Variants in KCNN2 observed in about 807,000 individuals in gnomAD.
KCNN2 encodes the protein small conductance calcium-activated potassium channel protein 2.
Under a neutral mutation model 55.5 loss-of-function variants are expected in KCNN2, and 24 were observed. The ratio of observed to expected loss-of-function variants is 0.43; its 90% CI spans 0.31 to 0.61. The LOEUF (loss-of-function observed/expected upper bound fraction) is 0.61, where lower values mean the gene tolerates loss of function less well. Ranked by LOEUF, KCNN2 falls within the 20% of genes least tolerant of loss-of-function variation. The pLI is 0.08. For synonymous variants in KCNN2, 431 were observed against 336.1 expected, an observed-to-expected ratio of 1.28 and a Z score of -3.09; for missense variants, 754 against 853.6, an observed-to-expected ratio of 0.88 and a Z score of 1.45.
intron 2 of KCNN2, among the ~76,000 whole-genome samples, chr5:114,397,690 A>T (rs563803613): frequency 2.6e-5 from 4 of 152,124 alleles, no homozygotes; most frequent in African/African-American, 4.8e-5. Context: ...GCCTGGCCAC[A>T]TCTATTATTT....
At chr5:114,413,892 A>G (rs145812943) in intron 3 of KCNN2, among the ~76,000 whole-genome samples, 6 of 152,338 alleles carry the variant, frequency 3.9e-5, no homozygotes, top group African/African-American at 1.2e-4. Flanking sequence ...TATATACATC[A>G]GCAGCATGCA....
intron 1 of KCNN2, among the ~76,000 whole-genome samples, chr5:114,197,125 T>C (rs2112568457): frequency 6.6e-6 from 1 of 152,286 alleles, no homozygotes; most frequent in Admixed American, 6.5e-5. Context: ...TATTTTCAGG[T>C]ATTTGTCTAT....
chr5:114,292,334 G>T (rs1330201839), intron 2 of KCNN2, among the ~76,000 whole-genome samples: 2 of 152,108 alleles, frequency 1.3e-5, no homozygotes, highest in East Asian at 1.9e-4. Context: ...GGTCTAGCAT[G>T]TAAGTCTTTA....
chr5:114,181,819 C>A (rs1753246599), intron 1 of KCNN2, among the ~76,000 whole-genome samples: 1 of 152,006 alleles, frequency 6.6e-6, no homozygotes, highest in Admixed American at 6.6e-5. Flanking sequence ...GAGTTCGAGA[C>A]CAGCCTGGCC....
intron 2 of KCNN2, among the ~76,000 whole-genome samples, chr5:114,365,363 A>G (rs1006170930): frequency 1.1e-4 from 17 of 152,344 alleles, no homozygotes; most frequent in African/African-American, 3.8e-4. Context: ...CTTTAATTCA[A>G]TACTAGTGAT....
chr5:114,342,948 C>T (rs567868394), intron 2 of KCNN2, among the ~76,000 whole-genome samples: 32 of 152,268 alleles, frequency 2.1e-4, no homozygotes, highest in African/African-American at 7.0e-4. Flanking sequence ...CAGATCACCC[C>T]GTCAGCCAGG....
chr5:114,093,064 G>A (rs752130041), intron 1 of KCNN2, among the ~76,000 whole-genome samples: 1 of 152,110 alleles, frequency 6.6e-6, no homozygotes, highest in African/African-American at 2.4e-5. Flanking sequence ...CACATTGTCA[G>A]GATGCAGATT....
At chr5:114,245,813 C>G (rs1028241060) in intron 2 of KCNN2, among the ~76,000 whole-genome samples, 9 of 152,176 alleles carry the variant, frequency 5.9e-5, no homozygotes, top group Non-Finnish European at 1.2e-4. Context: ...AGTTGGAGAA[C>G]AGTCAGGAAC....
intron 1 of KCNN2, among the ~76,000 whole-genome samples, chr5:114,111,783 A>G (rs1037952685): frequency 2.6e-5 from 4 of 152,230 alleles, no homozygotes; most frequent in African/African-American, 9.6e-5. Context: ...ATGAGATACC[A>G]TCTCATGCCA....
intron 1 of KCNN2, among the ~76,000 whole-genome samples, chr5:114,078,546 T>C (rs573322561): frequency 1.8e-4 from 27 of 152,232 alleles, no homozygotes; most frequent in African/African-American, 6.5e-4. Flanking sequence ...GCACCAGAAG[T>C]GGAACCTTCT....
intron 2 of KCNN2, among the ~76,000 whole-genome samples, chr5:114,252,887 T>A (rs900341333): frequency 5.9e-5 from 9 of 152,148 alleles, no homozygotes; most frequent in South Asian, 2.1e-4. Flanking sequence ...GTCAATGCTG[T>A]CATTTTTGCT....
chr5:114,331,091 C>A (rs2150033081), intron 2 of KCNN2, among the ~76,000 whole-genome samples: 1 of 152,300 alleles, frequency 6.6e-6, no homozygotes, highest in East Asian at 1.9e-4. Context: ...AAGAGGAAGT[C>A]TGACAGCTCT....
At chr5:114,272,914 C>T (rs935988882) in intron 2 of KCNN2, among the ~76,000 whole-genome samples, 1 of 152,048 alleles carries the variant, frequency 6.6e-6, no homozygotes, top group African/African-American at 2.4e-5. Flanking sequence ...TTCTGTGTTA[C>T]ATGTACAGAA....
chr5:114,422,864 A>G (rs915631347), intron 3 of KCNN2, among the ~76,000 whole-genome samples: 2 of 152,184 alleles, frequency 1.3e-5, no homozygotes, highest in African/African-American at 4.8e-5. Context: ...TGGTTGTCCT[A>G]TTGCCAGACA....
intron 3 of KCNN2, among the ~76,000 whole-genome samples, chr5:114,460,358 T>A (rs1259755613): frequency 6.6e-6 from 1 of 152,108 alleles, no homozygotes; most frequent in Non-Finnish European, 1.5e-5. Context: ...TTCCCCTCCC[T>A]CAGCCTCCCA....
At chr5:114,440,892 G>T (rs1760181346) in intron 3 of KCNN2, among the ~76,000 whole-genome samples, 1 of 145,746 alleles carries the variant, frequency 6.9e-6, no homozygotes, top group African/African-American at 2.5e-5. Context: ...ACAGATGTTA[G>T]TGATCACAAT....
At chr5:114,272,266 G>C (rs968921780) in intron 2 of KCNN2, among the ~76,000 whole-genome samples, 1 of 151,582 alleles carries the variant, frequency 6.6e-6, no homozygotes. Flanking sequence ...ACACATATAT[G>C]TATGTACATA....
At chr5:114,142,947 G>T (rs559013540) in intron 1 of KCNN2, among the ~76,000 whole-genome samples, 1 of 152,234 alleles carries the variant, frequency 6.6e-6, no homozygotes, top group Non-Finnish European at 1.5e-5. Context: ...GAGGCATCAC[G>T]CTACCTGTAT....
intron 1 of KCNN2, among the ~76,000 whole-genome samples, chr5:114,193,707 G>A (rs1753495279): frequency 6.6e-6 from 1 of 152,130 alleles, no homozygotes. Context: ...CCTAAATGTT[G>A]AAAACCTAAT....
Sources: gnomAD v4.1 joint callset for allele counts (sites outside exome capture counted in the v4.1 genomes callset) on GRCh38, gnomAD v4.1.1 for gene constraint, MANE v1.5 for transcripts, NCBI Gene and HGNC (gene_info 2026-07-23, HGNC 2026-07-21) for gene names.